The following ITGA4 variants were observed in gnomAD, a reference collection of about 807,000 sequenced individuals.
The protein encoded by ITGA4 is integrin alpha-4.
A neutral mutation model predicts 133.6 loss-of-function variants in ITGA4; 63 were observed. The ratio of observed to expected loss-of-function variants is 0.47; its 90% CI spans 0.38 to 0.58. The LOEUF (loss-of-function observed/expected upper bound fraction) is 0.58. Ranked by LOEUF, ITGA4 falls within the 20% of genes least tolerant of loss-of-function variation. The pLI is 0.00. For synonymous variants in ITGA4, 483 were observed against 438.0 expected, an observed-to-expected ratio of 1.10 and a Z score of -1.28; for missense variants, 1,076 against 1,252.7, an observed-to-expected ratio of 0.86 and a Z score of 2.13.
At chr2:181,530,767 G>A (rs1686928734) in intron 24 of ITGA4, 118 bp downstream of exon 24, 8 of 915,714 alleles carry the variant, frequency 8.7e-6, no homozygotes, top group Non-Finnish European at 1.3e-5. Flanking sequence ...ACAAGTTTAG[G>A]TAGTATTCTT....
At chr2:181,458,052 G>C (rs1685170996) in intron 1 of ITGA4, 144 bp from the exon 2 acceptor site, 2 of 1,244,374 alleles carry the variant, frequency 1.6e-6, no homozygotes, top group Non-Finnish European at 2.3e-6. Context: ...TATGGTGCAA[G>C]GTCTTGGAGC....
Position 181,520,305 on chromosome 2 carries a change from C to T in ITGA4, c.1923-1886C>T, listed in dbSNP as rs183942547. Among the ~76,000 whole-genome samples, 12 of 152,150 alleles carry T rather than the reference C, an allele frequency of 7.9e-5. No individual in the cohort carries two copies. The East Asian group carries it at 1.9e-3, about 25-fold the overall frequency. On this transcript the variant is annotated intron_variant, in intron 17 of 27. Transcript: ENST00000397033. ...ATCAGAGTGCTAGTTTGAAGGAAGACGCAAAACATCCTGGTGTATTAGATG... is the reference window on the plus strand; with the variant it reads ...ATCAGAGTGCTAGTTTGAAGGAAGATGCAAAACATCCTGGTGTATTAGATG...
chr2:181,513,889 G>A (rs1310577220), intron 17 of ITGA4, among the ~76,000 whole-genome samples: 1 of 152,034 alleles, frequency 6.6e-6, no homozygotes, highest in Non-Finnish European at 1.5e-5. Flanking sequence ...TGGTCCTATG[G>A]CCCTGTGCTC....
In ITGA4 at chr2:181,527,377, T is replaced by A; in HGVS notation, c.2420T>A (p.Leu807Ter). The A allele has an allele frequency of 6.2e-7, 1 of 1,601,384 alleles. No individual in the cohort carries two copies. The highest frequency in any genetic ancestry group is 8.6e-7 in the Non-Finnish European group (1 of 1,168,602). ...ACGTGCATGGTGGAGAAAATGAACT[T>A]AACTTTCCATGTAAGAAAAGTTAAT... ...PETCMVEKMN[L>*]TFHVINTGNS... The change falls in exon 22 of 28, where the codon TTA (leucine) becomes TAA (stop). Residue 807 changes from leucine to a stop codon, truncating the protein, a stop_gained. Transcript: ENST00000397033. LOFTEE classifies it high-confidence loss of function.
chr2:181,516,256 A>G lies in ITGA4; in HGVS notation c.1922+4481A>G, dbSNP rs75886055. On this transcript the variant is annotated intron_variant, in intron 17 of 27. Coordinates refer to ENST00000397033, the MANE Select transcript of ITGA4 (RefSeq NM_000885.6). The surrounding 1 kb of genome is among the most constrained non-coding windows in gnomAD (Gnocchi z 4.0). ...GAGTGATGTAAGCTTTCCCTGAACA[A>G]TTGCTTCTGTATCTGCTAGGAATAC... 0.019 allele frequency among the ~76,000 whole-genome samples: 2,817 copies of G among 152,204 alleles called. 76 individuals are homozygous for G. Among genetic ancestry groups the G allele is most frequent in the African/African-American group, 0.064 (2,644 of 41,552 alleles).
Position 181,522,346 on chromosome 2 carries a change from G to T in ITGA4, c.2073+5G>T. The T allele has an allele frequency of 6.3e-7, 1 of 1,591,458 alleles. No homozygotes were observed. The highest frequency in any genetic ancestry group is 8.6e-7 in the Non-Finnish European group (1 of 1,168,312). On this transcript the variant is annotated splice_donor_5th_base_variant and intron_variant, in intron 18 of 27. Transcript: ENST00000397033. ...TTCATTAAGATTTTAGAGCTGGTAA[G>T]TACTGTAAACCACAATAGCATGATA... is the stretch of plus-strand genomic sequence containing the variant.
At chr2:181,503,485 A>G (rs1352763520) in intron 15 of ITGA4, among the ~76,000 whole-genome samples, 3 of 151,766 alleles carry the variant, frequency 2.0e-5, no homozygotes, top group Admixed American at 2.0e-4. Flanking sequence ...AATCATAATC[A>G]AAAGAGTATC....
chr2:181,528,475 T>C (rs2105770014), intron 22 of ITGA4, among the ~76,000 whole-genome samples: 1 of 152,372 alleles, frequency 6.6e-6, no homozygotes, highest in South Asian at 2.1e-4. Flanking sequence ...CTGGAGAAAC[T>C]TGCAGTATAT....
At position 181,475,722 on chromosome 2, in the gene ITGA4, C is replaced by T. The variant is rs1217890162; in HGVS notation, c.556+434C>T. 4.4e-5 allele frequency: 64 copies of T among 1,457,630 alleles called. 1 individual carries two copies. The highest frequency in any genetic ancestry group is 5.7e-5 in the Non-Finnish European group (62 of 1,083,480). 90.3% of individuals were successfully genotyped at this position (1,457,630 alleles called of 1,614,324 possible). On this transcript the variant is annotated intron_variant, in intron 4 of 27. Transcript: ENST00000397033. ...TGTAAGCAAATCTTTCATTCGCACT[C>T]ACTATCTCTTTTTCTAATTTACATG...
chr2:181,526,482 C>A (rs932633651), intron 21 of ITGA4, among the ~76,000 whole-genome samples: 7 of 151,994 alleles, frequency 4.6e-5, no homozygotes, highest in Non-Finnish European at 8.8e-5. Context: ...AAATCACAGG[C>A]CTTTAAAAGA....
At chr2:181,492,172 TGAATAA>T (rs1260147475) in intron 10 of ITGA4, among the ~76,000 whole-genome samples, 7 of 152,236 alleles carry the variant, frequency 4.6e-5, no homozygotes, top group African/African-American at 1.7e-4. Context: ...GTCCGATGAA[TGAATAA>T]ATGAGTGGGC....
At chr2:181,473,637 C>T (rs1351227611) in intron 2 of ITGA4, among the ~76,000 whole-genome samples, 1 of 152,212 alleles carries the variant, frequency 6.6e-6, no homozygotes, top group African/African-American at 2.4e-5. Context: ...AAAATCTCTC[C>T]TACCCAGGAG....
At position 181,538,056 on chromosome 2, in the gene ITGA4, C is replaced by A. The variant is rs1559065470; in HGVS notation, c.*2529C>A. 1.4e-6 allele frequency: 1 copy of A among 708,472 alleles called. No homozygotes were observed. The highest frequency in any genetic ancestry group is 2.6e-6 in the Non-Finnish European group (1 of 380,712). 43.9% of individuals were successfully genotyped at this position (708,472 alleles called of 1,614,324 possible). A position where few individuals can be genotyped will look rare whatever the true frequency, so the allele number is the denominator to read the frequency against. ...ACAGTTCATCCTGAAACCATTCCCC[C>A]ATCCACGGAAAAATTGTCTTCCATG... is the stretch of plus-strand genomic sequence containing the variant. On this transcript the variant is annotated 3_prime_UTR_variant, in exon 28 of 28. Coordinates refer to ENST00000397033, the MANE Select transcript of ITGA4 (RefSeq NM_000885.6).
intron 22 of ITGA4, 122 bp from the exon 23 acceptor site, chr2:181,529,419 A>C (rs1158408703): frequency 4.3e-6 from 2 of 464,958 alleles, no homozygotes; most frequent in Admixed American, 8.0e-5. Flanking sequence ...GCTGCCAACC[A>C]TAAACCTCCA....
chr2:181,507,576 C>T (rs1686419199), intron 15 of ITGA4, among the ~76,000 whole-genome samples: 3 of 151,964 alleles, frequency 2.0e-5, no homozygotes, highest in South Asian at 2.1e-4. Context: ...GATTCCAGGA[C>T]CCCACTTGGA....
chr2:181,526,151 C>T (rs1470633509), intron 21 of ITGA4, among the ~76,000 whole-genome samples: 2 of 152,074 alleles, frequency 1.3e-5, no homozygotes, highest in Non-Finnish European at 2.9e-5. Context: ...GAAAAAAGGC[C>T]ATTCACAGGA....
chr2:181,511,907 CA>C, intron 17 of ITGA4, 132 bp downstream of exon 17: 1 of 545,498 alleles, frequency 1.8e-6, no homozygotes, highest in East Asian at 2.9e-5. Flanking sequence ...ATTAGCAACA[CA>C]ATGCTTAGTT....
chr2:181,479,599 T>C (rs373823093), intron 5 of ITGA4: 1 of 152,162 alleles, frequency 6.6e-6, no homozygotes, highest in African/African-American at 2.4e-5. Context: ...GCATGCTCAT[T>C]CCAATCTTCT....
At chr2:181,476,605 C>A (rs1685682501) in intron 4 of ITGA4, among the ~76,000 whole-genome samples, 1 of 152,088 alleles carries the variant, frequency 6.6e-6, no homozygotes, top group Non-Finnish European at 1.5e-5. Context: ...AATAATAGAC[C>A]TTTATGTCCA....
Sources: gnomAD v4.1 joint callset for allele counts (sites outside exome capture counted in the v4.1 genomes callset) on GRCh38, gnomAD v4.1.1 for gene constraint, Gnocchi (gnomAD v3.1) non-coding constraint, MANE v1.5 for transcripts, NCBI Gene and HGNC (gene_info 2026-07-23, HGNC 2026-07-21) for gene names.